The following PFKFB3 variants were observed in gnomAD, a reference collection of about 807,000 sequenced individuals.
PFKFB3 encodes 6-phosphofructo-2-kinase/fructose-2,6-biphosphatase 3, also known as 6-phosphofructo-2-kinase/fructose-2,6-bisphosphatase 3.
In PFKFB3, 33 loss-of-function variants were observed where a neutral mutation model predicts 68.0. That is an observed-to-expected ratio of 0.49 (90% CI 0.37 to 0.65). The LOEUF (loss-of-function observed/expected upper bound fraction) is 0.65, where lower values mean the gene tolerates loss of function less well. Among genes scored for constraint, PFKFB3 ranks in the 30% least tolerant of loss-of-function variants. The probability of loss-of-function intolerance (pLI) is 0.00; values close to 1 mark genes in which losing one functional copy is unlikely to be tolerated. For synonymous variants in PFKFB3, 315 were observed against 288.2 expected, an observed-to-expected ratio of 1.09 and a Z score of -0.94; for missense variants, 586 against 712.2, an observed-to-expected ratio of 0.82 and a Z score of 2.02.
chr10:6,303,380 A>C, the PFKFB3 span, among the ~76,000 whole-genome samples: 1 of 152,368 alleles, frequency 6.6e-6, no homozygotes, highest in South Asian at 2.1e-4. Flanking sequence ...ACATCCTACC[A>C]TGACAAAATA....
At chr10:6,314,522 A>G in the PFKFB3 span, among the ~76,000 whole-genome samples, 3 of 152,176 alleles carry the variant, frequency 2.0e-5, no homozygotes, top group Admixed American at 2.0e-4. Flanking sequence ...CCATAGTCCT[A>G]TGTGCTCTTT....
chr10:6,179,310 C>T (rs990523612), intron 1 of PFKFB3, among the ~76,000 whole-genome samples: 7 of 152,178 alleles, frequency 4.6e-5, no homozygotes, highest in East Asian at 3.8e-4. Flanking sequence ...AGGGCGAAGC[C>T]GACAAGAGCC....
upstream of PFKFB3, chr10:6,202,740 A>T (rs1167544616): frequency 3.4e-6 from 1 of 296,854 alleles, no homozygotes; most frequent in Non-Finnish European, 5.1e-6. Context: ...GGCCCGGGGC[A>T]GGGCGGCGGG....
At chr10:6,221,016 T>C in intron 8 of PFKFB3, 151 bp downstream of exon 8, 3 of 745,080 alleles carry the variant, frequency 4.0e-6, no homozygotes, top group Non-Finnish European at 6.9e-6. Flanking sequence ...CCTGCACGTC[T>C]CTATGCATAT....
At chr10:6,317,594 C>G in the PFKFB3 span, among the ~76,000 whole-genome samples, 3 of 152,084 alleles carry the variant, frequency 2.0e-5, no homozygotes, top group Admixed American at 6.5e-5. Flanking sequence ...CTCAGAGGAG[C>G]CGGTGGAGCG....
the PFKFB3 span, among the ~76,000 whole-genome samples, chr10:6,273,134 G>A: frequency 6.6e-6 from 1 of 150,558 alleles, no homozygotes; most frequent in Non-Finnish European, 1.5e-5. Context: ...AGCCTCCCAA[G>A]TAGCTGGGAT....
At chr10:6,161,931 A>T (rs1320694247) in intron 1 of PFKFB3, among the ~76,000 whole-genome samples, 2 of 152,206 alleles carry the variant, frequency 1.3e-5, no homozygotes, top group Non-Finnish European at 2.9e-5. Context: ...TTTTAAGTAT[A>T]CAGCTCAGTG....
chr10:6,220,568 C>T lies in PFKFB3; in HGVS notation c.624-90C>T. On this transcript the variant is annotated intron_variant, in intron 7 of 14. Transcript: ENST00000379775. This position sits in a 1 kb window ranked among gnomAD's most constrained non-coding sequence, Gnocchi z 4.1. ...GGGCCTACGGTCCCGCCTTGCTGTT[C>T]TCTGGGGATCACATCTTCGGAGACG... The T allele has an allele frequency of 8.2e-7, 1 of 1,214,252 alleles. No homozygotes were observed. Among genetic ancestry groups the T allele is most frequent in the South Asian group, 1.3e-5 (1 of 79,300 alleles). The allele number at this position is 1,214,252 out of a possible 1,614,324, so 75.2% of individuals were successfully genotyped here.
chr10:6,271,290 G>T, the PFKFB3 span, among the ~76,000 whole-genome samples: 1 of 152,232 alleles, frequency 6.6e-6, no homozygotes, highest in Non-Finnish European at 1.5e-5. Context: ...ACCGAAGAGC[G>T]TTACCTTTCA....
Position 6,251,599 on chromosome 10 carries a change from A to G in PFKFB3, c.1516-2579A>G, listed in dbSNP as rs543865755. Among the ~76,000 whole-genome samples the G allele has an allele frequency of 1.5e-3, 232 of 152,322 alleles. 2 individuals carry two copies. The highest frequency in any genetic ancestry group is 2.7e-3 in the Admixed American group (41 of 15,290). ...GGAAGATCAATCTGGTGGCCAAGGC[A>G]GGAAAAGTTAAATTTAGGAGAACAG... On this transcript the variant is annotated intron_variant, in intron 14 of 14. Coordinates refer to the PFKFB3 transcript ENST00000640683.
chr10:6,227,050 C>T (rs1323005826), intron 14 of PFKFB3, among the ~76,000 whole-genome samples: 1 of 151,930 alleles, frequency 6.6e-6, no homozygotes, highest in Non-Finnish European at 1.5e-5. Context: ...GGTGCCACTG[C>T]ACTCCAGCCT....
At chr10:6,157,284 T>G (rs1241659768) in intron 1 of PFKFB3, among the ~76,000 whole-genome samples, 5 of 150,362 alleles carry the variant, frequency 3.3e-5, no homozygotes, top group Admixed American at 2.0e-4. Flanking sequence ...TGGAGTGCAG[T>G]GGCGCGATCT....
At chr10:6,221,775 C>T (rs1243857241) in intron 10 of PFKFB3, 30 bp downstream of exon 10, 1 of 1,443,328 alleles carries the variant, frequency 6.9e-7, no homozygotes, top group Admixed American at 1.9e-5. Context: ...GGCTGACGGT[C>T]CCCAGCACAC....
chr10:6,298,740 T>C, the PFKFB3 span, among the ~76,000 whole-genome samples: 1 of 152,184 alleles, frequency 6.6e-6, no homozygotes, highest in African/African-American at 2.4e-5. Context: ...GCATTCCAGC[T>C]GTGAATGGTC....
chr10:6,280,896 C>A, the PFKFB3 span, among the ~76,000 whole-genome samples: 1 of 151,276 alleles, frequency 6.6e-6, no homozygotes, highest in Admixed American at 6.6e-5. Context: ...TTCTGGTGCA[C>A]CCATCGCCCG....
At chr10:6,216,654 T>C (rs1844608019) in intron 4 of PFKFB3, 52 bp from the exon 5 acceptor site, 2 of 1,242,046 alleles carry the variant, frequency 1.6e-6, no homozygotes, top group South Asian at 1.2e-5. Flanking sequence ...TGGTAAACGT[T>C]GTTAAACTCA....
rs546418883 is a variant in PFKFB3, at chr10:6,209,309, C to T, written c.77-4314C>T. On this transcript the variant is annotated intron_variant, in intron 1 of 14. Coordinates refer to ENST00000379775, the MANE Select transcript of PFKFB3 (RefSeq NM_004566.4). The stretch of plus-strand genomic sequence containing the variant: ...TAACCCGGTGACATCTGTGTTCCCC[C>T]AGGCATGTTTCAGTTGACCTCTAAA... Among the ~76,000 whole-genome samples the T allele has an allele frequency of 2.0e-5, 3 of 152,280 alleles. No individual in the cohort carries two copies. In the South Asian group the frequency reaches 6.2e-4, roughly 32 times the overall value.
At chr10:6,171,165 A>G (rs1306455446) in intron 1 of PFKFB3, among the ~76,000 whole-genome samples, 2 of 152,024 alleles carry the variant, frequency 1.3e-5, no homozygotes, top group African/African-American at 4.8e-5. Context: ...CTCCTGCCCC[A>G]GCCTCCCGAG....
intron 1 of PFKFB3, among the ~76,000 whole-genome samples, chr10:6,207,604 A>G (rs1843879440): frequency 6.6e-6 from 1 of 152,202 alleles, no homozygotes; most frequent in Admixed American, 6.5e-5. Flanking sequence ...CCTGAGGTTT[A>G]TTGCTGAAGA....
Sources: gnomAD v4.1 joint callset for allele counts (sites outside exome capture counted in the v4.1 genomes callset) on GRCh38, gnomAD v4.1.1 for gene constraint, Gnocchi (gnomAD v3.1) non-coding constraint, MANE v1.5 for transcripts, NCBI Gene and HGNC (gene_info 2026-07-23, HGNC 2026-07-21) for gene names.